The following GRIK3 variants were observed in gnomAD, a reference collection of about 807,000 sequenced individuals.
GRIK3 encodes glutamate ionotropic receptor kainate type subunit 3.
GRIK3 carries 29 observed loss-of-function variants against 102.5 expected under a neutral mutation model. The ratio of observed to expected loss-of-function variants is 0.28; its 90% CI spans 0.21 to 0.39. GRIK3 has a LOEUF of 0.39. Ranked by LOEUF, GRIK3 falls within the 10% of genes least tolerant of loss-of-function variation. GRIK3 has a pLI of 1.00. For missense variants in GRIK3, 908 were observed against 1,252.4 expected, an observed-to-expected ratio of 0.73 and a Z score of 4.15; for synonymous variants, 511 against 504.9, an observed-to-expected ratio of 1.01 and a Z score of -0.16.
intron 13 of GRIK3, among the ~76,000 whole-genome samples, chr1:36,807,454 C>T (rs1485961328): frequency 6.6e-6 from 1 of 152,186 alleles, no homozygotes; most frequent in Non-Finnish European, 1.5e-5. Context: ...CTAGCTGTGT[C>T]TGTCTGTGAT....
intron 13 of GRIK3, among the ~76,000 whole-genome samples, chr1:36,813,777 C>A (rs1642590470): frequency 6.7e-6 from 1 of 149,120 alleles, no homozygotes; most frequent in South Asian, 2.1e-4. Flanking sequence ...GTGCTTCTAG[C>A]TCATCATCTG....
intron 1 of GRIK3, among the ~76,000 whole-genome samples, chr1:36,997,840 G>A (rs1642436512): frequency 6.6e-6 from 1 of 152,188 alleles, no homozygotes; most frequent in Admixed American, 6.5e-5. Flanking sequence ...GGGAGGGTTT[G>A]GAGCTGACCA....
chr1:36,900,302 GCTC>G (rs1393502258), intron 1 of GRIK3, among the ~76,000 whole-genome samples: 6 of 151,724 alleles, frequency 4.0e-5, no homozygotes, highest in Non-Finnish European at 8.8e-5. Context: ...TCCCCCTCCT[GCTC>G]CTCCTCCTCC....
At chr1:36,993,723 C>T (rs929338437) in intron 1 of GRIK3, among the ~76,000 whole-genome samples, 8 of 152,174 alleles carry the variant, frequency 5.3e-5, no homozygotes, top group Admixed American at 3.9e-4. Context: ...TCAGCCAGCA[C>T]CTGCTTTTAG....
At chr1:37,011,632 A>C (rs533866129) in intron 1 of GRIK3, among the ~76,000 whole-genome samples, 28 of 152,334 alleles carry the variant, frequency 1.8e-4, no homozygotes, top group African/African-American at 5.8e-4. Context: ...GCTGGTGTGA[A>C]GTCTAAGGGG....
At chr1:37,032,189 A>G (rs1398261881) in intron 1 of GRIK3, among the ~76,000 whole-genome samples, 1 of 152,120 alleles carries the variant, frequency 6.6e-6, no homozygotes, top group Non-Finnish European at 1.5e-5. Context: ...AACCCATTCA[A>G]TTTCACAGTA....
intron 1 of GRIK3, among the ~76,000 whole-genome samples, chr1:37,014,846 C>CTTTTA (rs1385317765): frequency 4.1e-5 from 5 of 122,392 alleles, no homozygotes; most frequent in African/African-American, 1.5e-4. Flanking sequence ...CTTTTCTTAT[C>CTTTTA]TTTTCTTTTC....
intron 1 of GRIK3, among the ~76,000 whole-genome samples, chr1:36,926,478 C>A (rs576804762): frequency 6.6e-6 from 1 of 151,876 alleles, no homozygotes; most frequent in Non-Finnish European, 1.5e-5. Flanking sequence ...GCCACCTCTG[C>A]CTCCCGGGTT....
intron 1 of GRIK3, among the ~76,000 whole-genome samples, chr1:36,932,955 G>A (rs190562555): frequency 2.0e-5 from 3 of 152,272 alleles, no homozygotes; most frequent in East Asian, 1.9e-4. Context: ...CACTGCTAAC[G>A]CTAATAACCA....
chr1:36,899,017 A>G (rs1013573758), intron 1 of GRIK3, among the ~76,000 whole-genome samples: 4 of 152,206 alleles, frequency 2.6e-5, no homozygotes, highest in African/African-American at 9.6e-5. Flanking sequence ...TTAACACCAT[A>G]TACAAAAACT....
intron 1 of GRIK3, among the ~76,000 whole-genome samples, chr1:36,999,775 C>T (rs769799000): frequency 4.6e-5 from 7 of 152,176 alleles, no homozygotes; most frequent in Non-Finnish European, 7.4e-5. Context: ...CAATGAGGCC[C>T]TGGCAATCCT....
intron 15 of GRIK3, chr1:36,804,703 T>C (rs1016559265): frequency 2.3e-5 from 12 of 521,888 alleles, no homozygotes; most frequent in Admixed American, 1.4e-4. Context: ...GTGTGAATTG[T>C]GGATGGTGTT....
At chr1:36,861,846 G>A (rs1195617984) in intron 5 of GRIK3, among the ~76,000 whole-genome samples, 1 of 152,016 alleles carries the variant, frequency 6.6e-6, no homozygotes, top group Non-Finnish European at 1.5e-5. Context: ...ATGGGGAAGG[G>A]GCTGGGTGAC....
chr1:36,853,705 T>C lies in GRIK3; in HGVS notation c.1122A>G (p.Leu374=). The change falls in exon 8 of 16, where the codon TTA becomes TTG. Residue 374 remains leucine, a synonymous_variant. Transcript: ENST00000373091. ...NFIKEAQWEG[L]TGRIVFNKTS... ...TTTTGTTGAAAACAATTCGTCCAGT[T>C]AATCCTTCCCATTGAGCCTGCGGAG... 6.2e-7 allele frequency: 1 copy of C among 1,612,094 alleles called. No individual in the cohort carries two copies. The highest frequency in any genetic ancestry group is 2.2e-5 in the East Asian group (1 of 44,878).
intron 1 of GRIK3, among the ~76,000 whole-genome samples, chr1:36,982,863 C>T (rs1642264496): frequency 6.6e-6 from 1 of 152,078 alleles, no homozygotes; most frequent in African/African-American, 2.4e-5. Flanking sequence ...TGGGTGAAGG[C>T]TGTTGGCCAA....
chr1:36,989,692 G>A (rs1358398693), intron 1 of GRIK3, among the ~76,000 whole-genome samples: 1 of 152,134 alleles, frequency 6.6e-6, no homozygotes, highest in Non-Finnish European at 1.5e-5. Flanking sequence ...AGTGGACACA[G>A]GCCAGGTCCC....
intron 1 of GRIK3, among the ~76,000 whole-genome samples, chr1:37,019,128 C>T (rs943304187): frequency 6.6e-6 from 1 of 152,210 alleles, no homozygotes; most frequent in Non-Finnish European, 1.5e-5. Context: ...TGGAGACTTA[C>T]AAATTGGGTA....
chr1:37,031,322 C>CCAAG (rs1278980808), intron 1 of GRIK3, among the ~76,000 whole-genome samples: 1 of 152,190 alleles, frequency 6.6e-6, no homozygotes, highest in East Asian at 1.9e-4. Flanking sequence ...TGCAAACCAT[C>CCAAG]CAAGCAATCA....
intron 1 of GRIK3, among the ~76,000 whole-genome samples, chr1:36,899,989 C>A (rs1156448876): frequency 6.6e-6 from 1 of 152,168 alleles, no homozygotes; most frequent in Non-Finnish European, 1.5e-5. Context: ...ATGGACTGAT[C>A]CAGTTGACAG....
Sources: gnomAD v4.1 joint callset for allele counts (sites outside exome capture counted in the v4.1 genomes callset) on GRCh38, gnomAD v4.1.1 for gene constraint, MANE v1.5 for transcripts, NCBI Gene and HGNC (gene_info 2026-07-23, HGNC 2026-07-21) for gene names.